Variants in TLL2 observed in about 807,000 individuals in gnomAD.
The protein encoded by TLL2 is tolloid like 2.
TLL2 carries 106 observed loss-of-function variants against 123.0 expected under a neutral mutation model. That is an observed-to-expected ratio of 0.86 (90% CI 0.74 to 1.01). The LOEUF (loss-of-function observed/expected upper bound fraction) is 1.01. TLL2 is among the 50% of genes least tolerant of loss of function. The probability of loss-of-function intolerance (pLI) is 0.00; values close to 1 mark genes in which losing one functional copy is unlikely to be tolerated. For synonymous variants in TLL2, 494 were observed against 516.8 expected (o/e 0.96, Z 0.60); for missense variants, 1,332 against 1,336.7 (o/e 1.00, Z 0.06).
At chr10:96,436,634 A>C (rs1237593003) in intron 3 of TLL2, among the ~76,000 whole-genome samples, 1 of 152,140 alleles carries the variant, frequency 6.6e-6, no homozygotes, top group East Asian at 1.9e-4. Flanking sequence ...CCTTTTTATA[A>C]TAATAACATG....
intron 3 of TLL2, among the ~76,000 whole-genome samples, chr10:96,437,057 C>A (rs965438297): frequency 1.3e-5 from 2 of 151,990 alleles, no homozygotes; most frequent in Non-Finnish European, 2.9e-5. Context: ...CAATATTTTT[C>A]TATAATTATT....
At chr10:96,487,736 G>A (rs1847371575) in intron 1 of TLL2, among the ~76,000 whole-genome samples, 1 of 152,088 alleles carries the variant, frequency 6.6e-6, no homozygotes, top group Admixed American at 6.6e-5. Flanking sequence ...ACTCGCCTGG[G>A]GTCACAGGGC....
chr10:96,511,963 G>C (rs564718086), intron 1 of TLL2, among the ~76,000 whole-genome samples: 3 of 152,240 alleles, frequency 2.0e-5, no homozygotes, highest in African/African-American at 7.2e-5. Flanking sequence ...CTTCTCCCTG[G>C]CCTTGAATTA....
At chr10:96,374,855 A>G (rs1846121595) in intron 18 of TLL2, among the ~76,000 whole-genome samples, 1 of 151,200 alleles carries the variant, frequency 6.6e-6, no homozygotes, top group South Asian at 2.1e-4. Context: ...TAGGTGGCCG[A>G]CTGATGGGAG....
chr10:96,494,042 T>A (rs967163456), intron 1 of TLL2, among the ~76,000 whole-genome samples: 1 of 152,000 alleles, frequency 6.6e-6, no homozygotes, highest in Non-Finnish European at 1.5e-5. Flanking sequence ...GGATTCAAGG[T>A]GAGGACTGAC....
Position 96,369,186 on chromosome 10 carries a change from G to T in TLL2, c.2913+879C>A, listed in dbSNP as rs1469215358. Among the ~76,000 whole-genome samples, 3 of 152,172 alleles carry T rather than the reference G, an allele frequency of 2.0e-5. No homozygotes were observed. The South Asian group carries it at 6.2e-4, about 32-fold the overall frequency. ...AGTGTCCAGTGCGGTGCAGCCAGGGGAGTGACTGGGACACTGTACTGGCCA... is the reference window on the plus strand; with the variant it reads ...AGTGTCCAGTGCGGTGCAGCCAGGGTAGTGACTGGGACACTGTACTGGCCA... On this transcript the variant is annotated intron_variant, in intron 20 of 20. Transcript: ENST00000357947.
chr10:96,460,215 C>G (rs1847067139), intron 2 of TLL2, among the ~76,000 whole-genome samples: 1 of 152,146 alleles, frequency 6.6e-6, no homozygotes, highest in Non-Finnish European at 1.5e-5. Context: ...CCATGCAAAT[C>G]AATGAGAAAA....
intron 2 of TLL2, among the ~76,000 whole-genome samples, chr10:96,477,361 T>G (rs1847269558): frequency 6.6e-6 from 1 of 151,550 alleles, no homozygotes; most frequent in Non-Finnish European, 1.5e-5. Flanking sequence ...AATTTTTTTT[T>G]TTTTTTGAGA....
At chr10:96,461,328 A>G (rs931695711) in intron 2 of TLL2, among the ~76,000 whole-genome samples, 1 of 152,006 alleles carries the variant, frequency 6.6e-6, no homozygotes, top group African/African-American at 2.4e-5. Context: ...GAGAAAGAGG[A>G]AGCAATGTGG....
chr10:96,456,793 A>G (rs965292762), intron 2 of TLL2, among the ~76,000 whole-genome samples: 1 of 152,204 alleles, frequency 6.6e-6, no homozygotes, highest in Non-Finnish European at 1.5e-5. Context: ...GCTGTGACCC[A>G]GGCACTGCCC....
rs953920207 is a variant in TLL2 at position 96,395,254 on chromosome 10, T to C, written c.1659A>G (p.Arg553=). 2.0e-5 allele frequency: 32 copies of C among 1,613,902 alleles called. No individual in the cohort carries two copies. The highest frequency in any genetic ancestry group is 2.5e-5 in the Non-Finnish European group (29 of 1,179,968). ...CATCGGACACAAACTTCATCCACAGTCTGTTGGAGCTCGATTTCACATCCT... is the reference window on the plus strand; with the variant it reads ...CATCGGACACAAACTTCATCCACAGCCTGTTGGAGCTCGATTTCACATCCT... ...KPEDVKSSSN[R]LWMKFVSDGS... The change falls in exon 13 of 21, where the codon AGA becomes AGG. Residue 553 remains arginine (R), a synonymous_variant. Coordinates refer to ENST00000357947, the MANE Select transcript of TLL2 (RefSeq NM_012465.4).
chr10:96,426,879 C>T (rs73326403), intron 5 of TLL2, among the ~76,000 whole-genome samples: 1,613 of 152,188 alleles, frequency 0.011, 21 homozygotes, highest in African/African-American at 0.034. Flanking sequence ...TCCTTGTGCT[C>T]TCCTTAGGTT....
In TLL2 at chr10:96,396,012, C is replaced by A; in HGVS notation, c.1393G>T (p.Gly465Trp). The change falls in exon 12 of 21, where the codon GGG becomes TGG. Residue 465 changes from glycine to tryptophan, a missense_variant. Coordinates refer to ENST00000357947, the MANE Select transcript of TLL2 (RefSeq NM_012465.4). ...CCGGCATCTTTGTTCATGTCTCCCC[C>A]GCAGGTAGCTTTAGAAAGAGACATC... The part of the protein sequence containing the change: ...GFFAAYEATC[G>W]GDMNKDAGQI... The A allele has an allele frequency of 6.2e-7, 1 of 1,613,998 alleles. No homozygotes were observed. The highest frequency in any genetic ancestry group is 8.5e-7 in the Non-Finnish European group (1 of 1,179,966).
rs1203141656 is a variant in TLL2 at position 96,366,161 on chromosome 10, A to G, written c.*1927T>C. Reference sequence around the variant, plus strand: ...ACCTCAGAAAATACAAAAATCAGATAAATGGAATCTACCCTAACAGGCAGG... The same window carrying G: ...ACCTCAGAAAATACAAAAATCAGATGAATGGAATCTACCCTAACAGGCAGG... On this transcript the variant is annotated 3_prime_UTR_variant, in exon 21 of 21. Transcript: ENST00000357947. 3 of 152,336 alleles carry G rather than the reference A, an allele frequency of 2.0e-5. No individual in the cohort carries two copies. The highest frequency in any genetic ancestry group is 4.4e-5 in the Non-Finnish European group (3 of 68,050). 9.4% of individuals were successfully genotyped at this position (152,336 alleles called of 1,614,324 possible).
At position 96,370,286 on chromosome 10, in the gene TLL2, G is replaced by A. The variant is rs779465534; in HGVS notation, c.2692C>T (p.Gln898Ter). Residue 898 changes from glutamine to a stop codon, truncating the protein, a stop_gained, in exon 20 of 21, where the codon CAG becomes TAG. Coordinates refer to ENST00000357947, the MANE Select transcript of TLL2 (RefSeq NM_012465.4). LOFTEE classifies it high-confidence loss of function. ...ECGGRLKAEV[Q>*]TKELYSHAQF... Reference sequence around the variant, plus strand: ...GCGTGGGAATAGAGCTCTTTGGTCTGCACTTCAGCCTTCAGCCTGCCCCCG... The same window carrying A: ...GCGTGGGAATAGAGCTCTTTGGTCTACACTTCAGCCTTCAGCCTGCCCCCG... The A allele has an allele frequency of 1.3e-6, 2 of 1,597,932 alleles. No homozygotes were observed. Among genetic ancestry groups the A allele is most frequent in the Non-Finnish European group, 1.7e-6 (2 of 1,171,102 alleles).
intron 7 of TLL2, among the ~76,000 whole-genome samples, chr10:96,419,521 G>T (rs937459685): frequency 4.6e-5 from 7 of 151,326 alleles, no homozygotes; most frequent in African/African-American, 1.5e-4. Context: ...TTGGAAAAGA[G>T]CCAGGAGAAG....
chr10:96,487,528 G>T (rs1589434835), intron 1 of TLL2, among the ~76,000 whole-genome samples: 1 of 152,160 alleles, frequency 6.6e-6, no homozygotes, highest in Non-Finnish European at 1.5e-5. Flanking sequence ...GGCAGCACAC[G>T]CCAGGCATTG....
chr10:96,427,929 G>A (rs1846694919), intron 5 of TLL2, among the ~76,000 whole-genome samples: 1 of 152,034 alleles, frequency 6.6e-6, no homozygotes. Context: ...CAGGTAGCTG[G>A]GATTACAGGC....
At chr10:96,466,517 T>C (rs920090908) in intron 2 of TLL2, among the ~76,000 whole-genome samples, 2 of 152,228 alleles carry the variant, frequency 1.3e-5, no homozygotes, top group African/African-American at 4.8e-5. Context: ...CTTCAGGTTG[T>C]GTCCTCAGCC....
Sources: gnomAD v4.1 joint callset for allele counts (sites outside exome capture counted in the v4.1 genomes callset) on GRCh38, gnomAD v4.1.1 for gene constraint, MANE v1.5 for transcripts, NCBI Gene and HGNC (gene_info 2026-07-23, HGNC 2026-07-21) for gene names.